The following NDUFAF6 variants were observed in gnomAD, a reference collection of about 807,000 sequenced individuals.
The protein encoded by NDUFAF6 is NADH dehydrogenase (ubiquinone) complex I, assembly factor 6.
In NDUFAF6, 45 loss-of-function variants were observed where a neutral mutation model predicts 40.8. The ratio of observed to expected loss-of-function variants is 1.10; its 90% CI spans 0.87 to 1.42. The LOEUF (loss-of-function observed/expected upper bound fraction) is 1.42, where lower values mean the gene tolerates loss of function less well. NDUFAF6 is among the 40% of genes most tolerant of loss of function. The probability of loss-of-function intolerance (pLI) is 0.00; values close to 1 mark genes in which losing one functional copy is unlikely to be tolerated. For synonymous variants in NDUFAF6, 185 were observed against 155.9 expected, an observed-to-expected ratio of 1.19 and a Z score of -1.39; for missense variants, 435 against 418.5, an observed-to-expected ratio of 1.04 and a Z score of -0.34.
At chr8:95,094,751 C>CTTCT (rs1491436295) in intron 2 of NDUFAF6, among the ~76,000 whole-genome samples, 12 of 19,440 alleles carry the variant, frequency 6.2e-4, no homozygotes, top group African/African-American at 3.1e-3. Flanking sequence ...TCTTCTTCTT[C>CTTCT]TTTTTTTTTT....
At chr8:94,920,493 G>C (rs1264675481) in intron 1 of NDUFAF6, among the ~76,000 whole-genome samples, 1 of 152,198 alleles carries the variant, frequency 6.6e-6, no homozygotes, top group Admixed American at 6.5e-5. Flanking sequence ...CGTAAGGGCA[G>C]AGCACTTAGG....
chr8:95,070,256 C>G (rs1009586936), intron 9 of NDUFAF6, among the ~76,000 whole-genome samples: 1 of 152,086 alleles, frequency 6.6e-6, no homozygotes, highest in Non-Finnish European at 1.5e-5. Context: ...TGTAAAATGG[C>G]CTAGTGATAG....
At chr8:94,987,927 C>T (rs190446793) in intron 2 of NDUFAF6, among the ~76,000 whole-genome samples, 1 of 152,318 alleles carries the variant, frequency 6.6e-6, no homozygotes, top group East Asian at 1.9e-4. Flanking sequence ...CCTCCCCTAG[C>T]GTTCTCCCCT....
chr8:95,106,152 G>A (rs1463824461), downstream of NDUFAF6, among the ~76,000 whole-genome samples: 3 of 152,004 alleles, frequency 2.0e-5, no homozygotes, highest in African/African-American at 7.3e-5. Context: ...GCAGGCACCT[G>A]TGGTCCCAGC....
At chr8:94,995,556 G>A (rs1298933031) in intron 2 of NDUFAF6, among the ~76,000 whole-genome samples, 2 of 151,700 alleles carry the variant, frequency 1.3e-5, no homozygotes, top group East Asian at 3.9e-4. Flanking sequence ...ATGAGGCCAG[G>A]AGTTTGAGCC....
At chr8:94,981,099 G>A (rs1360546161) in intron 2 of NDUFAF6, 6 of 404,776 alleles carry the variant, frequency 1.5e-5, no homozygotes, top group African/African-American at 1.2e-4. Context: ...TTGGACTCCA[G>A]TGTGACAGTA....
chr8:94,933,872 A>T (rs1435671916), intron 1 of NDUFAF6, among the ~76,000 whole-genome samples: 1 of 147,154 alleles, frequency 6.8e-6, no homozygotes. Context: ...GGAGTTCAAG[A>T]CCAGCCTGGC....
downstream of NDUFAF6, among the ~76,000 whole-genome samples, chr8:95,105,360 G>T (rs569961925): frequency 1.2e-4 from 9 of 72,652 alleles, no homozygotes; most frequent in African/African-American, 5.1e-4. Context: ...CTGAATTTAG[G>T]CGCATTTTTT....
chr8:95,073,389 A>C (rs1417308237), intron 9 of NDUFAF6, among the ~76,000 whole-genome samples: 1 of 152,190 alleles, frequency 6.6e-6, no homozygotes, highest in Non-Finnish European at 1.5e-5. Flanking sequence ...CCGAGTAGGC[A>C]GCGCCACCTC....
intron 1 of NDUFAF6, chr8:94,926,153 C>CCAAT (rs1411672535): frequency 6.6e-6 from 1 of 152,444 alleles, no homozygotes; most frequent in Non-Finnish European, 1.5e-5. Context: ...CATCTATGAA[C>CCAAT]CAATCAGTAT....
rs376161483 is a variant in NDUFAF6, at chr8:94,930,434, T to C, written c.-935-15049T>C. ...CTGTACATATACACACATCCATACA[T>C]GTAAGCACAAACCAAGAGAAACCAA... On this transcript the variant is annotated intron_variant, in intron 1 of 14. Coordinates refer to the NDUFAF6 transcript ENST00000396113. 54 of 1,610,328 alleles carry C rather than the reference T, an allele frequency of 3.4e-5. No homozygotes were observed. The Middle Eastern group carries it at 6.6e-4, about 20-fold the overall frequency.
downstream of NDUFAF6, among the ~76,000 whole-genome samples, chr8:95,058,932 A>C (rs1208984620): frequency 1.3e-5 from 2 of 152,166 alleles, no homozygotes; most frequent in Non-Finnish European, 2.9e-5. Context: ...ACGCCCAGCT[A>C]CTAGGAAGGC....
chr8:94,961,468 C>CTGGA (rs1823565403), intron 1 of NDUFAF6, among the ~76,000 whole-genome samples: 1 of 152,216 alleles, frequency 6.6e-6, no homozygotes. Context: ...GTCGCCCAGG[C>CTGGA]TGGAGTGCAG....
Position 94,901,211 on chromosome 8 carries a change from G to A in NDUFAF6, c.-936+5284G>A, listed in dbSNP as rs529142552. The stretch of plus-strand genomic sequence containing the variant: ...ACAACGAGGTTTGTATGGCTGGAAC[G>A]TAGTGAGCAAGGGAGTGATGGGAAG... On this transcript the variant is annotated intron_variant, in intron 1 of 14. Transcript: ENST00000396113. 3.8e-4 allele frequency among the ~76,000 whole-genome samples: 58 copies of A among 152,252 alleles called. No homozygotes were observed. The South Asian group carries it at 0.011, about 29-fold the overall frequency.
chr8:94,955,981 C>G (rs1276477907), upstream of NDUFAF6, among the ~76,000 whole-genome samples: 1 of 152,178 alleles, frequency 6.6e-6, no homozygotes, highest in South Asian at 2.1e-4. Flanking sequence ...GCCATATAAT[C>G]CATAACTCAG....
intron 1 of NDUFAF6, chr8:94,958,194 A>G (rs1207714210): frequency 1.3e-5 from 2 of 152,336 alleles, no homozygotes; most frequent in Non-Finnish European, 2.9e-5. Flanking sequence ...GGAAGCAGAC[A>G]TAGAAGGTCT....
downstream of NDUFAF6, among the ~76,000 whole-genome samples, chr8:95,059,619 C>T (rs970578340): frequency 6.6e-6 from 1 of 152,012 alleles, no homozygotes; most frequent in Non-Finnish European, 1.5e-5. Flanking sequence ...GAGGCTGAGG[C>T]GGGTGGATCA....
chr8:94,973,676 C>G (rs1824670640), intron 1 of NDUFAF6, among the ~76,000 whole-genome samples: 1 of 149,638 alleles, frequency 6.7e-6, no homozygotes, highest in Non-Finnish European at 1.5e-5. Context: ...CCACTGCACT[C>G]CAGCCTGGGC....
intron 2 of NDUFAF6, among the ~76,000 whole-genome samples, chr8:95,095,292 T>A (rs1190286948): frequency 6.6e-6 from 1 of 152,050 alleles, no homozygotes; most frequent in Non-Finnish European, 1.5e-5. Flanking sequence ...AACCCAGAGA[T>A]GGGGGTGAAG....
Sources: allele counts gnomAD v4.1 joint callset (sites outside exome capture counted in the v4.1 genomes callset), GRCh38; gene constraint gnomAD v4.1.1; transcripts MANE v1.5; gene names NCBI Gene and HGNC (gene_info 2026-07-23, HGNC 2026-07-21).